GABRB1: variants seen among roughly 807,000 people sequenced by gnomAD.
GABRB1 encodes the protein gamma-aminobutyric acid receptor subunit beta-1.
GABRB1 carries 17 observed loss-of-function variants against 51.6 expected under a neutral mutation model. That is an observed-to-expected ratio of 0.33 (90% CI 0.23 to 0.49). The LOEUF is 0.49. Ranked by LOEUF, GABRB1 falls within the 20% of genes least tolerant of loss-of-function variation. The pLI is 0.99. For missense variants in GABRB1, 410 were observed against 600.6 expected (o/e 0.68, Z 3.32); for synonymous variants, 247 against 218.9 (o/e 1.13, Z -1.14).
intron 4 of GABRB1, among the ~76,000 whole-genome samples, chr4:47,212,878 A>G (rs1720419117): frequency 6.6e-6 from 1 of 152,168 alleles, no homozygotes; most frequent in Non-Finnish European, 1.5e-5. Flanking sequence ...CAGTGGCAAA[A>G]GACTTAAGTG....
intron 3 of GABRB1, among the ~76,000 whole-genome samples, chr4:47,145,728 C>T (rs944373245): frequency 2.0e-5 from 3 of 152,008 alleles, no homozygotes; most frequent in Non-Finnish European, 4.4e-5. Context: ...TCACATACTT[C>T]TGAAACCAAG....
chr4:47,261,421 A>G (rs1722432029), intron 4 of GABRB1, among the ~76,000 whole-genome samples: 1 of 152,218 alleles, frequency 6.6e-6, no homozygotes, highest in Non-Finnish European at 1.5e-5. Context: ...GAGCCAAATC[A>G]TGAGTGAACT....
chr4:47,101,553 G>T (rs1297103609), intron 3 of GABRB1, among the ~76,000 whole-genome samples: 1 of 151,586 alleles, frequency 6.6e-6, no homozygotes, highest in African/African-American at 2.4e-5. Context: ...ACCCCTCTCT[G>T]CCACTGCAAC....
chr4:47,359,078 G>A (rs556196825), intron 5 of GABRB1, among the ~76,000 whole-genome samples: 5 of 152,066 alleles, frequency 3.3e-5, no homozygotes, highest in South Asian at 2.1e-4. Flanking sequence ...ACAATTTCTC[G>A]GTACTTAAAC....
Position 47,031,579 on chromosome 4 carries a change from C to T in GABRB1, c.-73C>T. 1 of 1,295,950 alleles carries T rather than the reference C, an allele frequency of 7.7e-7. No individual in the cohort carries two copies. The highest frequency in any genetic ancestry group is 1.2e-5 in the South Asian group (1 of 83,748). The allele number at this position is 1,295,950 out of a possible 1,614,324, so 80.3% of individuals were successfully genotyped here. On this transcript the variant is annotated 5_prime_UTR_variant, in exon 1 of 9. Coordinates refer to ENST00000295454, the MANE Select transcript of GABRB1 (RefSeq NM_000812.4). ...CATGCGCAGGTCCATTCGGGAATTA[C>T]TGCCCAGCAGCCGACTAAGTTGCAT...
intron 8 of GABRB1, among the ~76,000 whole-genome samples, chr4:47,421,778 C>T (rs1398756617): frequency 1.3e-5 from 2 of 152,054 alleles, no homozygotes; most frequent in Admixed American, 6.5e-5. Flanking sequence ...CTATATTATG[C>T]CATGTACAGT....
intron 5 of GABRB1, among the ~76,000 whole-genome samples, chr4:47,324,363 C>T (rs1725179356): frequency 6.6e-6 from 1 of 152,136 alleles, no homozygotes; most frequent in African/African-American, 2.4e-5. Flanking sequence ...TACCTCACCC[C>T]TGAGCTCTCA....
chr4:47,092,165 C>CTTTTTTTTTTTTTTTTTT (rs869057256), intron 3 of GABRB1, among the ~76,000 whole-genome samples: 2 of 60,506 alleles, frequency 3.3e-5, no homozygotes, highest in Admixed American at 2.1e-4. Flanking sequence ...TTCTTTCTTT[C>CTTTTTTTTTTTTTTTTTT]TTTTTTTTTT....
Position 47,403,328 on chromosome 4 carries a change from C to T in GABRB1, c.555C>T (p.Thr185=). Residue 185 remains threonine, a synonymous_variant, in exon 6 of 9, where the codon ACC becomes ACT. Coordinates refer to ENST00000295454, the MANE Select transcript of GABRB1 (RefSeq NM_000812.4). ...CTLEIESYGY[T]TDDIEFYWNG... ...TTTTATTGGTTTCAGATGGCTATACCACTGATGACATTGAATTTTACTGGA... is the reference window on the plus strand; with the variant it reads ...TTTTATTGGTTTCAGATGGCTATACTACTGATGACATTGAATTTTACTGGA... 1 of 1,613,922 alleles carries T rather than the reference C, an allele frequency of 6.2e-7. No homozygotes were observed. Among genetic ancestry groups the T allele is most frequent in the East Asian group, 2.2e-5 (1 of 44,878 alleles).
chr4:47,335,054 G>A (rs1010157921), intron 5 of GABRB1, among the ~76,000 whole-genome samples: 1 of 152,054 alleles, frequency 6.6e-6, no homozygotes, highest in African/African-American at 2.4e-5. Context: ...TTACAACTTA[G>A]GACATAGGTG....
At chr4:47,008,302 A>G (rs1251202052) in intron 1 of GABRB1, among the ~76,000 whole-genome samples, 3 of 152,132 alleles carry the variant, frequency 2.0e-5, no homozygotes. Flanking sequence ...CTGTACCTAA[A>G]ATATACATTT....
rs77696545 is a variant in GABRB1, at chr4:47,197,194, G to C, written c.461+35725G>C. ...CATCTAGCATTACCAAATGTGAGAA[G>C]ATTGTGTCCTATCTTCTACATAGCT... On this transcript the variant is annotated intron_variant, in intron 4 of 8. Coordinates refer to ENST00000295454, the MANE Select transcript of GABRB1 (RefSeq NM_000812.4). Among the ~76,000 whole-genome samples the C allele has an allele frequency of 2.0e-3, 301 of 152,330 alleles. 11 individuals carry two copies. The East Asian group carries it at 0.05, about 25-fold the overall frequency.
intron 3 of GABRB1, among the ~76,000 whole-genome samples, chr4:47,156,758 T>A (rs1178036622): frequency 1.3e-5 from 2 of 151,912 alleles, no homozygotes; most frequent in Non-Finnish European, 2.9e-5. Context: ...TCACCTGAGG[T>A]CAGGAGTTCT....
chr4:47,354,111 A>T (rs1427617683), intron 5 of GABRB1, among the ~76,000 whole-genome samples: 1 of 152,122 alleles, frequency 6.6e-6, no homozygotes, highest in Non-Finnish European at 1.5e-5. Context: ...CACCCCTAGA[A>T]CCCTCAGGTC....
At chr4:47,424,272 C>CT (rs750025726) in intron 8 of GABRB1, among the ~76,000 whole-genome samples, 18 of 152,218 alleles carry the variant, frequency 1.2e-4, no homozygotes, top group Non-Finnish European at 2.4e-4. Flanking sequence ...AATATCAGGG[C>CT]TGGCACTTAC....
At chr4:47,096,393 G>GT (rs1560532477) in intron 3 of GABRB1, among the ~76,000 whole-genome samples, 2 of 152,148 alleles carry the variant, frequency 1.3e-5, no homozygotes, top group Non-Finnish European at 2.9e-5. Context: ...CCTGCAAAGT[G>GT]TTTGTGGTTT....
chr4:47,230,997 G>A (rs902664226), intron 4 of GABRB1, among the ~76,000 whole-genome samples: 5 of 152,076 alleles, frequency 3.3e-5, no homozygotes, highest in African/African-American at 1.2e-4. Flanking sequence ...AAGGTAAAAA[G>A]GTTTTAAGGT....
intron 1 of GABRB1, among the ~76,000 whole-genome samples, chr4:47,004,701 G>A: frequency 6.6e-6 from 1 of 151,756 alleles, no homozygotes; most frequent in Non-Finnish European, 1.5e-5. Context: ...AAACAGACAA[G>A]CAAACAAACA....
At chr4:47,025,918 C>G (rs1273918546) in intron 1 of GABRB1, among the ~76,000 whole-genome samples, 1 of 151,962 alleles carries the variant, frequency 6.6e-6, no homozygotes, top group Admixed American at 6.6e-5. Context: ...AAACTCAAAG[C>G]CTTTACTTGT....
Sources: allele counts gnomAD v4.1 joint callset (sites outside exome capture counted in the v4.1 genomes callset), GRCh38; gene constraint gnomAD v4.1.1; transcripts MANE v1.5; gene names NCBI Gene and HGNC (gene_info 2026-07-23, HGNC 2026-07-21).